The following UBE2D1 variants were observed in gnomAD, a reference collection of about 807,000 sequenced individuals.
UBE2D1 encodes the protein ubiquitin conjugating enzyme E2 D1, also known as ubiquitin-conjugating enzyme E2 D1.
In UBE2D1, 9 loss-of-function variants were observed where a neutral mutation model predicts 24.6. That is an observed-to-expected ratio of 0.37 (90% CI 0.22 to 0.64). The LOEUF (loss-of-function observed/expected upper bound fraction) is 0.64, where lower values mean the gene tolerates loss of function less well. Among genes scored for constraint, UBE2D1 ranks in the 30% least tolerant of loss-of-function variants. The pLI, the probability that UBE2D1 is intolerant of heterozygous loss-of-function variation, is 0.64. For synonymous variants in UBE2D1, 57 were observed against 57.6 expected, an observed-to-expected ratio of 0.99 and a Z score of 0.04; for missense variants, 87 against 177.1, an observed-to-expected ratio of 0.49 and a Z score of 2.89.
intron 3 of UBE2D1, among the ~76,000 whole-genome samples, chr10:58,362,074 A>T (rs80092079): frequency 1.3e-5 from 2 of 152,318 alleles, no homozygotes; most frequent in African/African-American, 4.8e-5. Context: ...CTGTTTGATA[A>T]TTGGCTACTC....
At chr10:58,351,158 C>T (rs113217321) in intron 1 of UBE2D1, among the ~76,000 whole-genome samples, 2,955 of 152,066 alleles carry the variant, frequency 0.019, 102 homozygotes, top group African/African-American at 0.065. Flanking sequence ...TGTACACTGC[C>T]GTAGACTTTA....
intron 1 of UBE2D1, among the ~76,000 whole-genome samples, chr10:58,359,744 C>G (rs577287581): frequency 3.9e-4 from 60 of 152,304 alleles, no homozygotes; most frequent in Middle Eastern, 3.4e-3. Context: ...AAATGGGGAA[C>G]ATAATAACAC....
intron 1 of UBE2D1, among the ~76,000 whole-genome samples, chr10:58,345,865 A>G (rs1840009736): frequency 6.6e-6 from 1 of 152,158 alleles, no homozygotes; most frequent in Non-Finnish European, 1.5e-5. Flanking sequence ...AGGAGCAGAT[A>G]ATCCTGCTTT....
At chr10:58,349,350 A>G (rs1054760090) in intron 1 of UBE2D1, among the ~76,000 whole-genome samples, 8 of 152,076 alleles carry the variant, frequency 5.3e-5, no homozygotes, top group African/African-American at 1.9e-4. Context: ...GATGATATTT[A>G]TTGCTTGATC....
intron 3 of UBE2D1, among the ~76,000 whole-genome samples, chr10:58,362,299 T>C (rs1840208150): frequency 6.6e-6 from 1 of 152,160 alleles, no homozygotes; most frequent in Non-Finnish European, 1.5e-5. Flanking sequence ...CTTTATCTAG[T>C]GAGTTACAGA....
intron 3 of UBE2D1, 44 bp from the exon 4 acceptor site, chr10:58,363,565 A>G: frequency 7.2e-7 from 1 of 1,384,538 alleles, no homozygotes. Flanking sequence ...TGTTATAAAT[A>G]AATATAGTAA....
At position 58,335,347 on chromosome 10, in the gene UBE2D1, G is replaced by T. The variant is rs1839890623; in HGVS notation, c.24+122G>T. The T allele has an allele frequency of 2.3e-5, 27 of 1,196,868 alleles. No individual in the cohort carries two copies. The South Asian group carries it at 4.4e-4, about 19-fold the overall frequency. 74.1% of individuals were successfully genotyped at this position (1,196,868 alleles called of 1,614,324 possible). On this transcript the variant is annotated intron_variant, in intron 1 of 6. Transcript: ENST00000373910. ...GATGGAAGGGTGGGCCGGGGTGCGG[G>T]CAGGGAGCTGAAGGCTCGGGCCGGG... is the stretch of plus-strand genomic sequence containing the variant.
At chr10:58,357,343 A>G (rs1383266378) in intron 1 of UBE2D1, among the ~76,000 whole-genome samples, 2 of 152,210 alleles carry the variant, frequency 1.3e-5, no homozygotes, top group Non-Finnish European at 2.9e-5. Flanking sequence ...CAGAGAAAGC[A>G]TAGATCAGGT....
chr10:58,351,344 A>G (rs551214458), intron 1 of UBE2D1, among the ~76,000 whole-genome samples: 80 of 152,334 alleles, frequency 5.3e-4, no homozygotes, highest in African/African-American at 1.8e-3. Context: ...TTATATGGCT[A>G]TATAAAAATA....
rs1390754090 is a variant in UBE2D1, at chr10:58,345,307, T to TA, written c.24+10082_24+10083insA. On this transcript the variant is annotated intron_variant, in intron 1 of 6. Coordinates refer to ENST00000373910, the MANE Select transcript of UBE2D1 (RefSeq NM_003338.5). ...GCAACATAGTGAGATCCCATTTATT[T>TA]TAAAAAAAAAATTAAAAAATAGCTC... Among the ~76,000 whole-genome samples the TA allele has an allele frequency of 2.6e-4, 39 of 151,720 alleles. 1 individual carries two copies. Among genetic ancestry groups the TA allele is most frequent in the African/African-American group, 8.0e-4 (33 of 41,252 alleles).
chr10:58,349,388 A>G (rs1205999194), intron 1 of UBE2D1, among the ~76,000 whole-genome samples: 1 of 152,138 alleles, frequency 6.6e-6, no homozygotes. Context: ...GACTTGTTCT[A>G]AGCTTATTTT....
At chr10:58,354,695 C>T (rs1000118514) in intron 1 of UBE2D1, among the ~76,000 whole-genome samples, 4 of 151,884 alleles carry the variant, frequency 2.6e-5, no homozygotes, top group East Asian at 1.9e-4. Context: ...ACTAGCTGGG[C>T]GTGGTGGTAC....
chr10:58,337,853 CT>C (rs202122521), intron 1 of UBE2D1, among the ~76,000 whole-genome samples: 28 of 146,772 alleles, frequency 1.9e-4, no homozygotes, highest in Non-Finnish European at 2.1e-4. Flanking sequence ...AAGATAATCT[CT>C]TTTTTTTTTT....
At chr10:58,359,193 C>A (rs551522704) in intron 1 of UBE2D1, among the ~76,000 whole-genome samples, 1 of 152,248 alleles carries the variant, frequency 6.6e-6, no homozygotes, top group African/African-American at 2.4e-5. Context: ...TATTAGAGCA[C>A]TGAACTCATT....
intron 1 of UBE2D1, among the ~76,000 whole-genome samples, chr10:58,339,688 A>G (rs531186982): frequency 6.6e-6 from 1 of 152,220 alleles, no homozygotes; most frequent in South Asian, 2.1e-4. Flanking sequence ...TAGTTTACTC[A>G]TGATCACATT....
At chr10:58,367,553 G>A (rs886245546) in intron 5 of UBE2D1, among the ~76,000 whole-genome samples, 2 of 152,114 alleles carry the variant, frequency 1.3e-5, no homozygotes, top group Non-Finnish European at 2.9e-5. Flanking sequence ...AAGAGTGTAT[G>A]AGCACAGTAT....
At position 58,335,191 on chromosome 10, in the gene UBE2D1, A is replaced by G. The variant is rs753320316; in HGVS notation, c.-11A>G. 1.7e-5 allele frequency: 27 copies of G among 1,546,924 alleles called. No individual in the cohort carries two copies. The Middle Eastern group carries it at 2.4e-3, about 136-fold the overall frequency. On this transcript the variant is annotated 5_prime_UTR_variant, in exon 1 of 7. Coordinates refer to ENST00000373910, the MANE Select transcript of UBE2D1 (RefSeq NM_003338.5). ...CCTGCCGGCCGGTGTCCCCACCGCC[A>G]TCCCTGACCCATGGCGCTGAAGAGG...
chr10:58,348,618 A>G (rs1470980791), intron 1 of UBE2D1, among the ~76,000 whole-genome samples: 2 of 152,210 alleles, frequency 1.3e-5, no homozygotes, highest in Non-Finnish European at 2.9e-5. Flanking sequence ...TGGGGTATGT[A>G]TTATATCTAT....
chr10:58,359,773 A>G (rs1840174394), intron 1 of UBE2D1, among the ~76,000 whole-genome samples: 1 of 152,252 alleles, frequency 6.6e-6, no homozygotes. Flanking sequence ...GAGGATTGTT[A>G]GAATGACTAA....
Sources: gnomAD v4.1 joint callset for allele counts (sites outside exome capture counted in the v4.1 genomes callset) on GRCh38, gnomAD v4.1.1 for gene constraint, MANE v1.5 for transcripts, NCBI Gene and HGNC (gene_info 2026-07-23, HGNC 2026-07-21) for gene names.